ARID5B: variants seen among roughly 807,000 people sequenced by gnomAD.
ARID5B encodes the protein AT-rich interactive domain-containing protein 5B.
In ARID5B, 13 loss-of-function variants were observed where a neutral mutation model predicts 97.2. The observed-to-expected ratio is 0.13, with a 90% CI of 0.09 to 0.21. ARID5B has a LOEUF of 0.21. Among genes scored for constraint, ARID5B ranks in the 10% least tolerant of loss-of-function variants. The probability of loss-of-function intolerance (pLI) is 1.00; values close to 1 mark genes in which losing one functional copy is unlikely to be tolerated. For missense variants in ARID5B, 1,210 were observed against 1,465.3 expected (o/e 0.83, Z 2.84); for synonymous variants, 556 against 570.3 (o/e 0.97, Z 0.36).
chr10:61,915,375 G>C (rs1310905053), intron 2 of ARID5B, among the ~76,000 whole-genome samples: 1 of 152,214 alleles, frequency 6.6e-6, no homozygotes, highest in Non-Finnish European at 1.5e-5. Flanking sequence ...GCAAATACAA[G>C]TGCCTATGTC....
At chr10:61,982,108 G>C (rs1589245189) in intron 3 of ARID5B, among the ~76,000 whole-genome samples, 1 of 152,194 alleles carries the variant, frequency 6.6e-6, no homozygotes, top group East Asian at 1.9e-4. Flanking sequence ...GCAGTATAGA[G>C]TTGGAGACTT....
chr10:62,073,538 C>T (rs948457708), intron 8 of ARID5B, among the ~76,000 whole-genome samples: 2 of 152,152 alleles, frequency 1.3e-5, no homozygotes, highest in African/African-American at 4.8e-5. Flanking sequence ...ACAAACTTGC[C>T]TCTGATTGGT....
At chr10:61,911,854 G>A (rs768351551) in intron 2 of ARID5B, among the ~76,000 whole-genome samples, 1 of 152,148 alleles carries the variant, frequency 6.6e-6, no homozygotes, top group African/African-American at 2.4e-5. Flanking sequence ...GTTAGAGAGT[G>A]TAAGAGTTTT....
At chr10:62,013,451 A>C (rs1839242939) in intron 4 of ARID5B, among the ~76,000 whole-genome samples, 1 of 152,176 alleles carries the variant, frequency 6.6e-6, no homozygotes, top group Admixed American at 6.5e-5. Flanking sequence ...TGTAATAAGA[A>C]TACTTAAAAT....
At chr10:62,039,006 G>A (rs1013115454) in intron 4 of ARID5B, among the ~76,000 whole-genome samples, 1 of 152,182 alleles carries the variant, frequency 6.6e-6, no homozygotes, top group African/African-American at 2.4e-5. Flanking sequence ...TTATTCTGAG[G>A]GAAAATATAG....
chr10:61,918,760 C>T (rs1044970955), intron 2 of ARID5B, among the ~76,000 whole-genome samples: 1 of 152,080 alleles, frequency 6.6e-6, no homozygotes, highest in South Asian at 2.1e-4. Flanking sequence ...GGGCCAGGCA[C>T]GGTGACTCAT....
intron 5 of ARID5B, among the ~76,000 whole-genome samples, chr10:62,052,799 C>G (rs546744878): frequency 6.7e-6 from 1 of 148,482 alleles, no homozygotes; most frequent in Non-Finnish European, 1.5e-5. Flanking sequence ...CAGTGCTGCC[C>G]GTCAGAATCT....
At chr10:61,910,272 T>C (rs1056366820) in intron 2 of ARID5B, among the ~76,000 whole-genome samples, 5 of 152,228 alleles carry the variant, frequency 3.3e-5, no homozygotes. Context: ...TGACTCAAGC[T>C]CATTTATCAA....
intron 4 of ARID5B, among the ~76,000 whole-genome samples, chr10:62,040,809 A>G (rs1342799440): frequency 2.6e-5 from 4 of 152,210 alleles, no homozygotes; most frequent in African/African-American, 9.6e-5. Flanking sequence ...GCACATCTCA[A>G]TTTGGACTTG....
chr10:62,013,538 T>G (rs755016075), intron 4 of ARID5B, among the ~76,000 whole-genome samples: 30 of 152,078 alleles, frequency 2.0e-4, no homozygotes, highest in Admixed American at 3.3e-4. Context: ...TTATGTCTCT[T>G]ATGTAACTGA....
At chr10:62,031,021 G>A (rs928008511) in intron 4 of ARID5B, among the ~76,000 whole-genome samples, 1 of 152,124 alleles carries the variant, frequency 6.6e-6, no homozygotes, top group Non-Finnish European at 1.5e-5. Flanking sequence ...GGATCACGAG[G>A]TCAGGAGATC....
chr10:61,970,068 G>T (rs1838604343), intron 3 of ARID5B, among the ~76,000 whole-genome samples: 4 of 152,178 alleles, frequency 2.6e-5, no homozygotes, highest in Admixed American at 6.5e-5. Context: ...TCTCCAAGAT[G>T]CATTTAATCA....
chr10:61,994,867 T>C (rs774059343), intron 3 of ARID5B, among the ~76,000 whole-genome samples: 2 of 152,210 alleles, frequency 1.3e-5, no homozygotes, highest in African/African-American at 4.8e-5. Flanking sequence ...GTTCTTTTTA[T>C]TGAAGTTGAA....
At chr10:62,005,138 G>T (rs1839130029) in intron 4 of ARID5B, among the ~76,000 whole-genome samples, 1 of 152,198 alleles carries the variant, frequency 6.6e-6, no homozygotes, top group African/African-American at 2.4e-5. Context: ...CAGGGAGAAG[G>T]GGTTGGCTAT....
chr10:62,059,147 T>G, intron 6 of ARID5B, 96 bp from the exon 7 acceptor site: 1 of 1,032,552 alleles, frequency 9.7e-7, no homozygotes, highest in Non-Finnish European at 1.4e-6. Context: ...ATTTCTTTTT[T>G]TCTCTTTCTC....
intron 3 of ARID5B, among the ~76,000 whole-genome samples, chr10:61,944,673 T>C (rs1332901767): frequency 6.6e-6 from 1 of 152,242 alleles, no homozygotes; most frequent in Non-Finnish European, 1.5e-5. Flanking sequence ...CAAGAAAATA[T>C]GTCTCTACAG....
intron 8 of ARID5B, among the ~76,000 whole-genome samples, chr10:62,083,673 A>C (rs1840245515): frequency 6.6e-6 from 1 of 152,264 alleles, no homozygotes. Context: ...CCATGGCAAC[A>C]AAACAAAAGT....
In ARID5B at chr10:62,052,185, C is replaced by T. The variant is rs1401589087; in HGVS notation, c.846+1185C>T. 3.3e-5 allele frequency among the ~76,000 whole-genome samples: 5 copies of T among 152,196 alleles called. No homozygotes were observed. The East Asian group carries it at 9.6e-4, about 29-fold the overall frequency. On this transcript the variant is annotated intron_variant, in intron 5 of 9. Transcript: ENST00000279873. ...CCAGTTTCTTGCTGAAAACAAATCT[C>T]TTTCCCTAAAGTTATTGTTGTTTTG...
chr10:62,085,948 C>T, intron 9 of ARID5B, 48 bp downstream of exon 9: 2 of 1,568,256 alleles, frequency 1.3e-6, no homozygotes, highest in Non-Finnish European at 1.7e-6. Context: ...CATGTGCTGC[C>T]TCGAGGTCCT....
Sources: gnomAD v4.1 joint callset for allele counts (sites outside exome capture counted in the v4.1 genomes callset) on GRCh38, gnomAD v4.1.1 for gene constraint, MANE v1.5 for transcripts, NCBI Gene and HGNC (gene_info 2026-07-23, HGNC 2026-07-21) for gene names.